LIN52: variants seen among roughly 807,000 people sequenced by gnomAD.
LIN52 encodes protein lin-52 homolog.
A neutral mutation model predicts 18.5 loss-of-function variants in LIN52; 4 were observed. The observed-to-expected ratio is 0.22, with a 90% CI of 0.11 to 0.49. The LOEUF is 0.49. Among genes scored for constraint, LIN52 ranks in the 20% least tolerant of loss-of-function variants. LIN52 has a pLI of 0.97. For missense variants in LIN52, 102 were observed against 139.5 expected (o/e 0.73, Z 1.35); for synonymous variants, 34 against 45.5 (o/e 0.75, Z 1.02).
chr14:74,124,796 G>A (rs746321023), intron 5 of LIN52, among the ~76,000 whole-genome samples: 10 of 116,460 alleles, frequency 8.6e-5, no homozygotes, highest in African/African-American at 3.4e-4. Flanking sequence ...GGGTGACAGA[G>A]CAAGACCCTG....
chr14:74,105,245 C>T (rs1160251930), intron 5 of LIN52, among the ~76,000 whole-genome samples: 6 of 152,056 alleles, frequency 3.9e-5, no homozygotes, highest in African/African-American at 1.4e-4. Context: ...AAACTTAAGG[C>T]TTTGGGGGTG....
Position 74,200,826 on chromosome 14 carries a change from C to CGT in LIN52, c.*1850_*1851insTG, listed in dbSNP as rs749485595. On this transcript the variant is annotated 3_prime_UTR_variant, in exon 6 of 6. Coordinates refer to ENST00000555028, the MANE Select transcript of LIN52 (RefSeq NM_001024674.3). ...AAGAGTGTGTGTGTGTGTGTGCGCG[C>CGT]GCGCATGTGGCCAAAAAATAGTGCC... 1 of 152,012 alleles carries CGT rather than the reference C, an allele frequency of 6.6e-6. No homozygotes were observed. Among genetic ancestry groups the CGT allele is most frequent in the Non-Finnish European group, 1.5e-5 (1 of 67,992 alleles). 9.4% of individuals were successfully genotyped at this position (152,012 alleles called of 1,614,324 possible). A position where few individuals can be genotyped will look rare whatever the true frequency, so the allele number is the denominator to read the frequency against.
intron 5 of LIN52, among the ~76,000 whole-genome samples, chr14:74,137,041 C>T (rs1206805857): frequency 6.6e-6 from 1 of 151,924 alleles, no homozygotes; most frequent in Non-Finnish European, 1.5e-5. Flanking sequence ...AGAAGCCCCT[C>T]TTCACTAAAT....
chr14:74,150,231 G>A (rs1375256407), intron 5 of LIN52, among the ~76,000 whole-genome samples: 2 of 152,140 alleles, frequency 1.3e-5, no homozygotes, highest in African/African-American at 2.4e-5. Context: ...TGGAGCAGCA[G>A]TATTTATAAT....
At position 74,097,877 on chromosome 14, in the gene LIN52, A is replaced by C; in HGVS notation, c.199+17A>C. On this transcript the variant is annotated intron_variant, in intron 4 of 5. Coordinates refer to ENST00000555028, the MANE Select transcript of LIN52 (RefSeq NM_001024674.3). ...TGTTGAAAGGTAAGTGATGCTAGTT[A>C]CCACTTTTAACTGGATATTTATGTT... 1 of 1,571,520 alleles carries C rather than the reference A, an allele frequency of 6.4e-7. No homozygotes were observed. Among genetic ancestry groups the C allele is most frequent in the Non-Finnish European group, 8.8e-7 (1 of 1,141,922 alleles).
intron 5 of LIN52, among the ~76,000 whole-genome samples, chr14:74,104,566 A>G (rs1313872575): frequency 6.6e-6 from 1 of 150,504 alleles, no homozygotes; most frequent in East Asian, 2.0e-4. Context: ...TGTTAGATCT[A>G]GAAGCTTGCA....
chr14:74,087,292 T>C (rs998050273), intron 1 of LIN52, among the ~76,000 whole-genome samples: 1 of 151,578 alleles, frequency 6.6e-6, no homozygotes, highest in African/African-American at 2.4e-5. Flanking sequence ...GGTGGGTGCC[T>C]GTAGTCCCAG....
At chr14:74,133,274 G>A (rs1304113023) in intron 5 of LIN52, among the ~76,000 whole-genome samples, 1 of 152,240 alleles carries the variant, frequency 6.6e-6, no homozygotes, top group Non-Finnish European at 1.5e-5. Context: ...AGCTGGGGAA[G>A]ATGGAAGAGA....
At chr14:74,140,276 T>C (rs950387425) in intron 5 of LIN52, among the ~76,000 whole-genome samples, 3 of 152,180 alleles carry the variant, frequency 2.0e-5, no homozygotes, top group African/African-American at 7.2e-5. Flanking sequence ...GCCCTAGTTA[T>C]GGTGACTGGA....
At chr14:74,089,370 AT>A (rs71460953) in intron 1 of LIN52, among the ~76,000 whole-genome samples, 343 of 142,130 alleles carry the variant, frequency 2.4e-3, no homozygotes, top group Non-Finnish European at 2.2e-3. Flanking sequence ...TTAAGTGGGG[AT>A]TTTTTTTTTT....
intron 5 of LIN52, among the ~76,000 whole-genome samples, chr14:74,191,084 G>A (rs186931864): frequency 2.0e-5 from 3 of 152,348 alleles, no homozygotes; most frequent in Admixed American, 1.3e-4. Context: ...TGAAGAGTCA[G>A]TCTGGCAGAC....
At chr14:74,154,004 G>C (rs943980064) in intron 5 of LIN52, among the ~76,000 whole-genome samples, 2 of 152,098 alleles carry the variant, frequency 1.3e-5, no homozygotes, top group Non-Finnish European at 2.9e-5. Context: ...AAGAAGGAGC[G>C]TTCCCATATA....
At chr14:74,102,110 G>A (rs2060861933) in intron 5 of LIN52, among the ~76,000 whole-genome samples, 1 of 152,134 alleles carries the variant, frequency 6.6e-6, no homozygotes, top group South Asian at 2.1e-4. Context: ...GGCCACAGTG[G>A]CTCATGCCTA....
At chr14:74,183,013 T>C (rs1320683438) in intron 5 of LIN52, among the ~76,000 whole-genome samples, 3 of 152,186 alleles carry the variant, frequency 2.0e-5, no homozygotes, top group African/African-American at 4.8e-5. Context: ...TGATTCTTGG[T>C]TGTATGTAAT....
At chr14:74,136,437 T>C (rs189757291) in intron 5 of LIN52, among the ~76,000 whole-genome samples, 89 of 152,276 alleles carry the variant, frequency 5.8e-4, no homozygotes, top group African/African-American at 2.0e-3. Context: ...AGAATTTCTC[T>C]TCCCAGAAAA....
chr14:74,105,692 G>T (rs994341914), intron 5 of LIN52, among the ~76,000 whole-genome samples: 5 of 151,944 alleles, frequency 3.3e-5, no homozygotes, highest in Admixed American at 6.6e-5. Context: ...TAATTGAGAG[G>T]ATGACATGGG....
At chr14:74,094,207 A>G (rs1311841278) in intron 2 of LIN52, among the ~76,000 whole-genome samples, 1 of 151,820 alleles carries the variant, frequency 6.6e-6, no homozygotes, top group Non-Finnish European at 1.5e-5. Flanking sequence ...GATATATTAT[A>G]GTTTATGTAT....
intron 3 of LIN52, 93 bp from the exon 4 acceptor site, chr14:74,097,701 C>T (rs2060824099): frequency 1.1e-6 from 1 of 895,964 alleles, no homozygotes. Context: ...CCTTGGCAGC[C>T]ACCGCATCCG....
intron 5 of LIN52, among the ~76,000 whole-genome samples, chr14:74,110,025 C>T (rs2060917403): frequency 6.6e-6 from 1 of 152,084 alleles, no homozygotes; most frequent in South Asian, 2.1e-4. Flanking sequence ...CTTGACTTTT[C>T]CTGATCTTTG....
Sources: gnomAD v4.1 joint callset for allele counts (sites outside exome capture counted in the v4.1 genomes callset) on GRCh38, gnomAD v4.1.1 for gene constraint, MANE v1.5 for transcripts, NCBI Gene and HGNC (gene_info 2026-07-23, HGNC 2026-07-21) for gene names.